The following LGR6 variants were observed in gnomAD, a reference collection of about 807,000 sequenced individuals.
LGR6 encodes the protein leucine rich repeat containing G protein-coupled receptor 6.
LGR6 carries 45 observed loss-of-function variants against 69.4 expected under a neutral mutation model. The ratio of observed to expected loss-of-function variants is 0.65; its 90% CI spans 0.51 to 0.83. The LOEUF (loss-of-function observed/expected upper bound fraction) is 0.83. Among genes scored for constraint, LGR6 ranks in the 40% least tolerant of loss-of-function variants. The probability of loss-of-function intolerance (pLI) is 0.00; values close to 1 mark genes in which losing one functional copy is unlikely to be tolerated. For missense variants in LGR6, 1,108 were observed against 1,246.7 expected, an observed-to-expected ratio of 0.89 and a Z score of 1.68; for synonymous variants, 538 against 555.0, an observed-to-expected ratio of 0.97 and a Z score of 0.43.
At chr1:202,282,192 C>T (rs1666062672) in intron 6 of LGR6, among the ~76,000 whole-genome samples, 1 of 152,204 alleles carries the variant, frequency 6.6e-6, no homozygotes, top group Non-Finnish European at 1.5e-5. Flanking sequence ...CTTCCTGCCA[C>T]TGTGCGTGAC....
At chr1:202,250,746 C>G (rs1663163413) in intron 4 of LGR6, among the ~76,000 whole-genome samples, 1 of 152,248 alleles carries the variant, frequency 6.6e-6, no homozygotes, top group South Asian at 2.1e-4. Flanking sequence ...ATTGCTAGTA[C>G]AATATGTGGC....
At chr1:202,215,837 G>A (rs1216298554) in intron 1 of LGR6, among the ~76,000 whole-genome samples, 1 of 152,240 alleles carries the variant, frequency 6.6e-6, no homozygotes, top group Non-Finnish European at 1.5e-5. Flanking sequence ...TGAATGAGCA[G>A]TCTGAGATTA....
chr1:202,228,021 C>A lies in LGR6; in HGVS notation c.356+14C>A, dbSNP rs765119604. 1 of 1,586,336 alleles carries A rather than the reference C, an allele frequency of 6.3e-7. No homozygotes were observed. The highest frequency in any genetic ancestry group is 1.1e-5 in the South Asian group (1 of 90,488). ...CCTGAAAATCCTGTAAGTATAGGTA[C>A]ACCTCATTTTACATAGAGCTGCAGC... On this transcript the variant is annotated intron_variant, in intron 3 of 17. Transcript: ENST00000367278.
intron 4 of LGR6, among the ~76,000 whole-genome samples, chr1:202,237,465 A>G (rs1287988441): frequency 6.6e-6 from 1 of 152,362 alleles, no homozygotes; most frequent in East Asian, 1.9e-4. Flanking sequence ...TAGGGGAAAA[A>G]AATTAGACTT....
Position 202,319,558 on chromosome 1 carries a change from C to A in LGR6, c.*351C>A. ...GATCAGGGCACAGTGGACAGGGAGA[C>A]CTCACAGAGAAAGGCCTGGAAGGTG... On this transcript the variant is annotated 3_prime_UTR_variant, in exon 18 of 18. Coordinates refer to ENST00000367278, the MANE Select transcript of LGR6 (RefSeq NM_001017403.2). 1 of 217,836 alleles carries A rather than the reference C, an allele frequency of 4.6e-6. No individual in the cohort carries two copies. Among genetic ancestry groups the A allele is most frequent in the Admixed American group, 5.1e-5 (1 of 19,724 alleles). 13.5% of individuals were successfully genotyped at this position (217,836 alleles called of 1,614,324 possible). A position where few individuals can be genotyped will look rare whatever the true frequency, so the allele number is the denominator to read the frequency against.
At chr1:202,212,448 A>G (rs957217116) in intron 1 of LGR6, among the ~76,000 whole-genome samples, 1 of 152,214 alleles carries the variant, frequency 6.6e-6, no homozygotes, top group Non-Finnish European at 1.5e-5. Context: ...GCCTAAAACA[A>G]CAGAAGTTTA....
rs867701542 is a variant in LGR6 at position 202,266,119 on chromosome 1, A to T, written c.429-10187A>T. Among the ~76,000 whole-genome samples, 953 of 152,150 alleles carry T rather than the reference A, an allele frequency of 6.3e-3. 6 individuals carry two copies. Among genetic ancestry groups the T allele is most frequent in the African/African-American group, 0.021 (888 of 41,500 alleles). On this transcript the variant is annotated intron_variant, in intron 4 of 17. Coordinates refer to ENST00000367278, the MANE Select transcript of LGR6 (RefSeq NM_001017403.2). ...TACTTTCCAGATTAAAAAAAAAAAA[A>T]AAATAACAGGCAGCTTCTACACTCT...
intron 4 of LGR6, among the ~76,000 whole-genome samples, chr1:202,244,355 T>C (rs553369041): frequency 1.3e-5 from 2 of 152,202 alleles, no homozygotes; most frequent in Non-Finnish European, 2.9e-5. Context: ...ATCGGTATGC[T>C]AGGGCTGCCT....
intron 4 of LGR6, among the ~76,000 whole-genome samples, chr1:202,262,464 C>A (rs1281629519): frequency 6.7e-6 from 1 of 149,370 alleles, no homozygotes. Context: ...GTTTTGGTAC[C>A]AGTACCATGC....
intron 6 of LGR6, among the ~76,000 whole-genome samples, chr1:202,295,012 C>T (rs948784720): frequency 9.2e-5 from 14 of 152,042 alleles, no homozygotes; most frequent in Non-Finnish European, 1.2e-4. Context: ...CAATACTTTG[C>T]GTTTGAGATA....
intron 17 of LGR6, among the ~76,000 whole-genome samples, chr1:202,316,846 T>C (rs1284874338): frequency 1.3e-5 from 2 of 152,026 alleles, no homozygotes; most frequent in Non-Finnish European, 1.5e-5. Context: ...AGAAATAATA[T>C]TTCCAAAGTT....
At chr1:202,212,191 A>C (rs1659488755) in intron 1 of LGR6, among the ~76,000 whole-genome samples, 1 of 152,160 alleles carries the variant, frequency 6.6e-6, no homozygotes, top group Non-Finnish European at 1.5e-5. Flanking sequence ...CAGCAATGGA[A>C]TTGCTGGATC....
At chr1:202,213,645 G>A (rs918111447) in intron 1 of LGR6, among the ~76,000 whole-genome samples, 1 of 152,200 alleles carries the variant, frequency 6.6e-6, no homozygotes, top group Non-Finnish European at 1.5e-5. Flanking sequence ...TTACATGCAG[G>A]TGAGGAGAGG....
At chr1:202,294,857 T>C (rs1350516339) in intron 6 of LGR6, among the ~76,000 whole-genome samples, 1 of 152,150 alleles carries the variant, frequency 6.6e-6, no homozygotes, top group Non-Finnish European at 1.5e-5. Context: ...TATGCTATTT[T>C]AGATAGAGTA....
At chr1:202,277,098 T>C (rs1665621179) in intron 5 of LGR6, among the ~76,000 whole-genome samples, 1 of 152,222 alleles carries the variant, frequency 6.6e-6, no homozygotes, top group Non-Finnish European at 1.5e-5. Context: ...AGCTCCCAGC[T>C]AATTGCTATG....
intron 4 of LGR6, among the ~76,000 whole-genome samples, chr1:202,247,906 C>T (rs1352142922): frequency 6.6e-6 from 1 of 152,208 alleles, no homozygotes; most frequent in Non-Finnish European, 1.5e-5. Context: ...CCACTGGCCA[C>T]ACCCCTGGAG....
chr1:202,222,020 G>T (rs915457211), intron 1 of LGR6, among the ~76,000 whole-genome samples: 4 of 152,238 alleles, frequency 2.6e-5, no homozygotes, highest in Non-Finnish European at 5.9e-5. Context: ...CTGTCATTGT[G>T]CAGGCACAGC....
intron 4 of LGR6, among the ~76,000 whole-genome samples, chr1:202,256,113 A>G (rs1257849611): frequency 6.6e-6 from 1 of 152,196 alleles, no homozygotes; most frequent in East Asian, 1.9e-4. Flanking sequence ...TGTTCTGGAC[A>G]TTTTATATAA....
Position 202,273,151 on chromosome 1 carries a change from T to C in LGR6, c.429-3155T>C, listed in dbSNP as rs1157039218. Among the ~76,000 whole-genome samples the C allele has an allele frequency of 2.6e-5, 4 of 152,196 alleles. No homozygotes were observed. The East Asian group carries it at 7.7e-4, about 29-fold the overall frequency. ...ATGGGGCTAATCAGAGCTACCTCAA[T>C]GGCATTTTTGAGAAGATACAGGACA... On this transcript the variant is annotated intron_variant, in intron 4 of 17. Transcript: ENST00000367278.
Sources: allele counts gnomAD v4.1 joint callset (sites outside exome capture counted in the v4.1 genomes callset), GRCh38; gene constraint gnomAD v4.1.1; transcripts MANE v1.5; gene names NCBI Gene and HGNC (gene_info 2026-07-23, HGNC 2026-07-21).